Variants in PRIM2 observed in about 807,000 individuals in gnomAD.
PRIM2 encodes the protein DNA primase large subunit.
In PRIM2, 39 loss-of-function variants were observed where a neutral mutation model predicts 67.3. The observed-to-expected ratio is 0.58, with a 90% CI of 0.45 to 0.76. The LOEUF (loss-of-function observed/expected upper bound fraction) is 0.76. PRIM2 is among the 30% of genes least tolerant of loss of function. PRIM2 has a pLI of 0.00. For synonymous variants in PRIM2, 143 were observed against 198.7 expected (o/e 0.72, Z 2.36); for missense variants, 398 against 598.7 (o/e 0.66, Z 3.50).
chr6:57,228,462 C>T, the PRIM2 span, among the ~76,000 whole-genome samples: 1 of 152,202 alleles, frequency 6.6e-6, no homozygotes, highest in Non-Finnish European at 1.5e-5. Context: ...ACTAGAAACA[C>T]CTCATGAACA....
chr6:57,479,055 A>G (rs1203701734), intron 7 of PRIM2, among the ~76,000 whole-genome samples: 1 of 152,212 alleles, frequency 6.6e-6, no homozygotes, highest in Non-Finnish European at 1.5e-5. Context: ...CTGAGGCAGG[A>G]GAGTTGCTTG....
At chr6:57,546,200 A>T (rs1468924632) in intron 10 of PRIM2, among the ~76,000 whole-genome samples, 1 of 152,236 alleles carries the variant, frequency 6.6e-6, no homozygotes, top group African/African-American at 2.4e-5. Flanking sequence ...ATTTCGCCTA[A>T]CTTTGGATTT....
At chr6:57,561,233 T>C (rs1775622046) in intron 10 of PRIM2, among the ~76,000 whole-genome samples, 1 of 152,156 alleles carries the variant, frequency 6.6e-6, no homozygotes, top group Non-Finnish European at 1.5e-5. Context: ...TCAAACTTTT[T>C]TTGGTGTGTG....
At chr6:57,452,292 T>C (rs1772581873) in intron 7 of PRIM2, among the ~76,000 whole-genome samples, 1 of 152,196 alleles carries the variant, frequency 6.6e-6, no homozygotes, top group Non-Finnish European at 1.5e-5. Flanking sequence ...CCTTTGGGTA[T>C]ATACCCAGTA....
chr6:57,325,045 T>C (rs1767798909), intron 4 of PRIM2, among the ~76,000 whole-genome samples: 1 of 152,144 alleles, frequency 6.6e-6, no homozygotes, highest in Non-Finnish European at 1.5e-5. Context: ...ATTATTTTAT[T>C]ATATAACGAT....
rs1261891484 is a variant in PRIM2 at position 57,541,382 on chromosome 6, C to T, written c.1020+3757C>T. Reference sequence around the variant, plus strand: ...GGGATTACAGGTGTGAGCTACTGTGCCTGGCCTATTATGACTTTCTTAATT... The same window carrying T: ...GGGATTACAGGTGTGAGCTACTGTGTCTGGCCTATTATGACTTTCTTAATT... On this transcript the variant is annotated intron_variant, in intron 10 of 13. Transcript: ENST00000615550. Among the ~76,000 whole-genome samples, 32 of 152,030 alleles carry T rather than the reference C, an allele frequency of 2.1e-4. 1 individual carries two copies. The highest frequency in any genetic ancestry group is 7.2e-4 in the African/African-American group (30 of 41,380).
At chr6:57,311,756 C>T (rs552026508), upstream of PRIM2, among the ~76,000 whole-genome samples, 4 of 151,934 alleles carry the variant, frequency 2.6e-5, no homozygotes, top group African/African-American at 9.7e-5. Context: ...ATTGAGTGAG[C>T]GAGACTCCGT....
chr6:57,605,620 A>G (rs1440042539), intron 11 of PRIM2, among the ~76,000 whole-genome samples: 1 of 152,148 alleles, frequency 6.6e-6, no homozygotes, highest in Non-Finnish European at 1.5e-5. Flanking sequence ...AGACTTTTCT[A>G]TATTAAATTT....
chr6:57,448,989 A>G (rs1294983812), intron 7 of PRIM2, among the ~76,000 whole-genome samples: 43 of 152,144 alleles, frequency 2.8e-4, no homozygotes, highest in African/African-American at 9.7e-4. Context: ...TCAGTTTTGT[A>G]GGTTTCTCTG....
intron 7 of PRIM2, among the ~76,000 whole-genome samples, chr6:57,402,418 T>G (rs1406298707): frequency 6.6e-6 from 1 of 152,130 alleles, no homozygotes; most frequent in Admixed American, 6.5e-5. Flanking sequence ...GAACTCTCTT[T>G]GTAGTGGGGG....
At chr6:57,638,448 A>G (rs1186540416) in intron 13 of PRIM2, among the ~76,000 whole-genome samples, 131 of 152,238 alleles carry the variant, frequency 8.6e-4, no homozygotes, top group Middle Eastern at 3.4e-3. Flanking sequence ...TAAAAGACAT[A>G]GACTGGCAAA....
the PRIM2 span, among the ~76,000 whole-genome samples, chr6:57,233,565 T>C: frequency 6.6e-6 from 1 of 151,890 alleles, no homozygotes. Flanking sequence ...AGGGGTAACA[T>C]CTTGTTAACA....
At chr6:57,339,966 G>A (rs1343711142) in intron 5 of PRIM2, among the ~76,000 whole-genome samples, 4 of 151,684 alleles carry the variant, frequency 2.6e-5, no homozygotes, top group Non-Finnish European at 5.9e-5. Flanking sequence ...ATCTGACAAA[G>A]GGCTAATATC....
At chr6:57,304,064 A>G in the PRIM2 span, among the ~76,000 whole-genome samples, 2 of 152,208 alleles carry the variant, frequency 1.3e-5, no homozygotes, top group African/African-American at 4.8e-5. Flanking sequence ...GCTTACCAGT[A>G]CATTTTAAGG....
intron 12 of PRIM2, among the ~76,000 whole-genome samples, chr6:57,612,791 G>GT (rs1776689694): frequency 7.5e-6 from 1 of 132,816 alleles, no homozygotes; most frequent in African/African-American, 2.8e-5. Flanking sequence ...TTTTCTTTTC[G>GT]CCTTTTTTTT....
chr6:57,598,500 A>G (rs1323895706), intron 10 of PRIM2, among the ~76,000 whole-genome samples: 1 of 152,134 alleles, frequency 6.6e-6, no homozygotes, highest in Non-Finnish European at 1.5e-5. Context: ...CTTGCCAGAT[A>G]TCTTGTCAAA....
intron 7 of PRIM2, among the ~76,000 whole-genome samples, chr6:57,408,632 C>G (rs1352000730): frequency 6.6e-6 from 1 of 152,088 alleles, no homozygotes; most frequent in African/African-American, 2.4e-5. Flanking sequence ...TTTTAGAATT[C>G]CGTGTAAATT....
intron 5 of PRIM2, among the ~76,000 whole-genome samples, chr6:57,339,829 T>G (rs9464438): frequency 0.12 from 17,947 of 152,034 alleles, 1,144 homozygotes; most frequent in African/African-American, 0.15. Flanking sequence ...CCAAAAGCAA[T>G]GGCAACAAAA....
intron 10 of PRIM2, among the ~76,000 whole-genome samples, chr6:57,575,862 T>C (rs1363229318): frequency 6.6e-6 from 1 of 152,148 alleles, no homozygotes; most frequent in Non-Finnish European, 1.5e-5. Context: ...CACTGCAACC[T>C]CCACCTCCTG....
Sources: allele counts gnomAD v4.1 joint callset (sites outside exome capture counted in the v4.1 genomes callset), GRCh38; gene constraint gnomAD v4.1.1; transcripts MANE v1.5; gene names NCBI Gene and HGNC (gene_info 2026-07-23, HGNC 2026-07-21).